COMP: variants seen among roughly 807,000 people sequenced by gnomAD.
COMP encodes cartilage oligomeric matrix protein (pseudoachondroplasia, epiphyseal dysplasia 1, multiple).
Under a neutral mutation model 95.8 loss-of-function variants are expected in COMP, and 79 were observed. The observed-to-expected ratio is 0.82, with a 90% CI of 0.69 to 0.99. The LOEUF is 0.99. Among genes scored for constraint, COMP ranks in the 50% least tolerant of loss-of-function variants. The pLI is 0.00. For synonymous variants in COMP, 438 were observed against 433.9 expected (o/e 1.01, Z -0.12); for missense variants, 906 against 1,076.1 (o/e 0.84, Z 2.21).
Position 18,788,390 on chromosome 19 carries a change from C to T in COMP, c.867+20G>A, listed in dbSNP as rs769013752. 1 of 1,589,450 alleles carries T rather than the reference C, an allele frequency of 6.3e-7. No homozygotes were observed. The highest frequency in any genetic ancestry group is 8.6e-7 in the Non-Finnish European group (1 of 1,163,358). On this transcript the variant is annotated intron_variant, in intron 8 of 18. Transcript: ENST00000222271. The surrounding 1 kb of genome is among the most constrained non-coding windows in gnomAD (Gnocchi z 4.7). ...CGCCCTCCCTCCTGCCCAAGCCCGC[C>T]CCGCTCCGCCCCCACCCACCTTACG...
rs2145904962 is a variant in COMP at position 18,790,113 on chromosome 19, C to G, written c.219G>C (p.Gly73=). Residue 73 remains glycine (G), a splice_region_variant and synonymous_variant, in exon 4 of 19, where the codon GGG becomes GGC. Transcript: ENST00000222271. Reference sequence around the variant, plus strand: ...GGCCGGTGCGTACTGACTGCTGCATCCCTGCGGGGGGGAGGGGGGAGAAGC... The same window carrying G: ...GGCCGGTGCGTACTGACTGCTGCATGCCTGCGGGGGGGAGGGGGGAGAAGC... ...KNTVMECDAC[G]MQQSVRTGLP... 3.3e-6 allele frequency: 5 copies of G among 1,530,422 alleles called. No homozygotes were observed. Among genetic ancestry groups the G allele is most frequent in the South Asian group, 2.4e-5 (2 of 83,096 alleles). The allele number at this position is 1,530,422 out of a possible 1,614,324, so 94.8% of individuals were successfully genotyped here.
In COMP at chr19:18,783,167, A is replaced by G. The variant is rs759998880; in HGVS notation, c.2114T>C (p.Leu705Pro). ...CAAGACCACGTTGCTGTCGGCCACC[A>G]GCTCAGGGCCCTCATAGAATCGCAC... is the stretch of plus-strand genomic sequence containing the variant. ...IRVRFYEGPE[L>P]VADSNVVLDT... Residue 705 changes from leucine to proline, a missense_variant, in exon 18 of 19, where the codon CTG (leucine) becomes CCG (proline). Transcript: ENST00000222271. 1 of 1,609,326 alleles carries G rather than the reference A, an allele frequency of 6.2e-7. No individual in the cohort carries two copies. The highest frequency in any genetic ancestry group is 1.7e-5 in the Admixed American group (1 of 60,022).
chr19:18,789,819 C>T lies in COMP; in HGVS notation c.390+123G>A. 1.6e-6 allele frequency: 2 copies of T among 1,265,730 alleles called. No individual in the cohort carries two copies. The highest frequency in any genetic ancestry group is 2.2e-6 in the Non-Finnish European group (2 of 901,198). The allele number at this position is 1,265,730 out of a possible 1,614,324, so 78.4% of individuals were successfully genotyped here. A position where few individuals can be genotyped will look rare whatever the true frequency, so the allele number is the denominator to read the frequency against. ...TAAGGAGGTAGTCTGGCCGTGCGCC[C>T]CCGGAGGTGAGAGGCTCTTCGGGGC... is the stretch of plus-strand genomic sequence containing the variant. On this transcript the variant is annotated intron_variant, in intron 4 of 18. Transcript: ENST00000222271. This position sits in a 1 kb window ranked among gnomAD's most constrained non-coding sequence, Gnocchi z 6.1.
chr19:18,785,906 C>T, intron 13 of COMP, 55 bp from the exon 14 acceptor site: 2 of 1,604,644 alleles, frequency 1.2e-6, no homozygotes, highest in Non-Finnish European at 1.7e-6. Flanking sequence ...CCACCGTAGA[C>T]CCCGCGCCAG....
At position 18,786,250 on chromosome 19, in the gene COMP, G is replaced by A; in HGVS notation, c.1296C>T (p.Ser432=). 1.9e-6 allele frequency: 3 copies of A among 1,614,066 alleles called. No homozygotes were observed. Among genetic ancestry groups the A allele is most frequent in the East Asian group, 2.2e-5 (1 of 44,880 alleles). Residue 432 remains serine (S), a synonymous_variant, in exon 12 of 19, where the codon AGC becomes AGT. Coordinates refer to ENST00000222271, the MANE Select transcript of COMP (RefSeq NM_000095.3). Reference sequence around the variant, plus strand: ...GGTGGCCTCCTTACTGGTCTTGATCGCTGTCACAAGCATCTCCCACAAAGT... The same window carrying A: ...GGTGGCCTCCTTACTGGTCTTGATCACTGTCACAAGCATCTCCCACAAAGT... The part of the protein sequence containing the change: ...DHDFVGDACD[S]DQDQDGDGHQ...
chr19:18,788,213 T>C lies in COMP; in HGVS notation c.974A>G (p.Lys325Arg), dbSNP rs1380005612. The change falls in exon 9 of 19, where the codon AAG becomes AGG. Residue 325 changes from lysine to arginine, a missense_variant and splice_region_variant. By Grantham distance (26) the Lys-to-Arg change is conservative. Coordinates refer to ENST00000222271, the MANE Select transcript of COMP (RefSeq NM_000095.3). The surrounding 1 kb of genome is among the most constrained non-coding windows in gnomAD (Gnocchi z 4.7). ...CACCGTGCCGAGCCGTAGATCTACC[T>C]TTTCATTGGGGACCCCGTCCCCGTC... Reference protein sequence around the residue: ...DADGDGVPNEKDNCPLVRNPD... With the variant: ...DADGDGVPNERDNCPLVRNPD... 1 of 1,612,720 alleles carries C rather than the reference T, an allele frequency of 6.2e-7. No individual in the cohort carries two copies. The highest frequency in any genetic ancestry group is 8.5e-7 in the Non-Finnish European group (1 of 1,179,644).
chr19:18,788,687 G>C lies in COMP; in HGVS notation c.667C>G (p.Arg223Gly), dbSNP rs1447413008. 6.5e-7 allele frequency: 1 copy of C among 1,541,404 alleles called. No homozygotes were observed. The highest frequency in any genetic ancestry group is 2.5e-5 in the East Asian group (1 of 40,728). The change falls in exon 7 of 19, where the codon CGG (arginine) becomes GGG (glycine). Residue 223 changes from arginine (R) to glycine (G), a missense_variant. By Grantham distance (125) the Arg-to-Gly change is moderately radical. Coordinates refer to ENST00000222271, the MANE Select transcript of COMP (RefSeq NM_000095.3). This position sits in a 1 kb window ranked among gnomAD's most constrained non-coding sequence, Gnocchi z 4.7. ...TCGGGGCAGAAGCGCTGTGCGCGCC[G>C]CTGGCAGCCGGACGCCTGGTCGCCC... ...FVGDQASGCQ[R>G]RAQRFCPDGS...
In COMP at chr19:18,784,337, C is replaced by A; in HGVS notation, c.1941G>T (p.Gly647=). ...GCCACAGAGCGTTCCGCAGCTGTTC[C>A]CCGGGGCCTGTGGAAGACTTCACAG... is the stretch of plus-strand genomic sequence containing the variant. ...LKAVKSSTGP[G]EQLRNALWHT... The change falls in exon 17 of 19, where the codon GGG becomes GGT. Residue 647 remains glycine, a synonymous_variant. Coordinates refer to ENST00000222271, the MANE Select transcript of COMP (RefSeq NM_000095.3). This position sits in a 1 kb window ranked among gnomAD's most constrained non-coding sequence, Gnocchi z 4.9. 6.2e-7 allele frequency: 1 copy of A among 1,613,998 alleles called. No homozygotes were observed. The highest frequency in any genetic ancestry group is 8.5e-7 in the Non-Finnish European group (1 of 1,180,032).
At position 18,790,096 on chromosome 19, in the gene COMP, C is replaced by A. The variant is rs578030956; in HGVS notation, c.236G>T (p.Arg79Leu). 15 of 1,537,566 alleles carry A rather than the reference C, an allele frequency of 9.8e-6. 1 individual carries two copies. In the African/African-American group the frequency reaches 1.1e-4, roughly 11 times the overall value. The change falls in exon 4 of 19, where the codon CGC (arginine) becomes CTC (leucine). Residue 79 changes from arginine (R) to leucine (L), a missense_variant. By Grantham distance (102) the Arg-to-Leu change is moderately radical. Transcript: ENST00000222271. ...CDACGMQQSV[R>L]TGLPSVRPLL... ...GGGCCGCACGCTGGGTAGGCCGGTG[C>A]GTACTGACTGCTGCATCCCTGCGGG...
At position 18,788,286 on chromosome 19, in the gene COMP, C is replaced by G. The variant is rs377504596; in HGVS notation, c.901G>C (p.Glu301Gln). 16 of 1,613,070 alleles carry G rather than the reference C, an allele frequency of 9.9e-6. No homozygotes were observed. Among genetic ancestry groups the G allele is most frequent in the Non-Finnish European group, 1.3e-5 (15 of 1,180,002 alleles). ...NCVTVPNSGQ[E>Q]DVDRDGIGDA... ...CCGATGCCATCGCGGTCCACATCCTCCTGCCCTGAGTTGGGCACAGTCACG... is the reference window on the plus strand; with the variant it reads ...CCGATGCCATCGCGGTCCACATCCTGCTGCCCTGAGTTGGGCACAGTCACG... Residue 301 changes from glutamate (E) to glutamine (Q), a missense_variant, in exon 9 of 19, where the codon GAG becomes CAG. Transcript: ENST00000222271. This position sits in a 1 kb window ranked among gnomAD's most constrained non-coding sequence, Gnocchi z 4.7.
chr19:18,787,864 C>CTT (rs56093208), intron 9 of COMP, among the ~76,000 whole-genome samples: 30 of 108,890 alleles, frequency 2.8e-4, no homozygotes, highest in Middle Eastern at 4.5e-3. Context: ...TTTTCTTTTT[C>CTT]TCTTTCTTTC....
rs994431579 is a variant in COMP, at chr19:18,785,483, C to T, written c.1717+15G>A. 6.2e-7 allele frequency: 1 copy of T among 1,613,132 alleles called. No individual in the cohort carries two copies. Among genetic ancestry groups the T allele is most frequent in the South Asian group, 1.1e-5 (1 of 91,046 alleles). On this transcript the variant is annotated intron_variant, in intron 15 of 18. Transcript: ENST00000222271. ...CCCGCTCCGTGGCAGGATAGCGCTGCTCCCCGCTTCTCACCCACAGCCAGG... is the reference window on the plus strand; with the variant it reads ...CCCGCTCCGTGGCAGGATAGCGCTGTTCCCCGCTTCTCACCCACAGCCAGG...
At position 18,788,104 on chromosome 19, in the gene COMP, A is replaced by C. The variant is rs1213709370; in HGVS notation, c.975+108T>G. The C allele has an allele frequency of 1.3e-5, 12 of 911,436 alleles. No homozygotes were observed. The highest frequency in any genetic ancestry group is 2.2e-4 in the Middle Eastern group (1 of 4,500). 56.5% of individuals were successfully genotyped at this position (911,436 alleles called of 1,614,324 possible). A position where few individuals can be genotyped will look rare whatever the true frequency, so the allele number is the denominator to read the frequency against. On this transcript the variant is annotated intron_variant, in intron 9 of 18. Coordinates refer to ENST00000222271, the MANE Select transcript of COMP (RefSeq NM_000095.3). This position sits in a 1 kb window ranked among gnomAD's most constrained non-coding sequence, Gnocchi z 4.7. ...TTTTTAGTAGAGGAGGGGTTTCACC[A>C]TGATGGCCAGGATGGTCTCCATCTC...
rs2055196854 is a variant in COMP, at chr19:18,789,670, G to A, written c.390+272C>T. Among the ~76,000 whole-genome samples, 1 of 151,838 alleles carries A rather than the reference G, an allele frequency of 6.6e-6. No individual in the cohort carries two copies. The highest frequency in any genetic ancestry group is 1.5e-5 in the Non-Finnish European group (1 of 67,922). ...CCCCTGCGGCGAGGAGGGTAGCTGGGGCGGACCACCCCTGGCGGTGAGGGA... is the reference window on the plus strand; with the variant it reads ...CCCCTGCGGCGAGGAGGGTAGCTGGAGCGGACCACCCCTGGCGGTGAGGGA... On this transcript the variant is annotated intron_variant, in intron 4 of 18. Transcript: ENST00000222271. The surrounding 1 kb of genome is among the most constrained non-coding windows in gnomAD (Gnocchi z 6.1).
Position 18,782,890 on chromosome 19 carries a change from A to T in COMP, c.*25T>A. Reference sequence around the variant, plus strand: ...TCCAGCCGCGGTGAGGGTGGCTGTCATCCGGCGGGTCCTCACCCTGGTCCC... The same window carrying T: ...TCCAGCCGCGGTGAGGGTGGCTGTCTTCCGGCGGGTCCTCACCCTGGTCCC... On this transcript the variant is annotated 3_prime_UTR_variant, in exon 19 of 19. Coordinates refer to ENST00000222271, the MANE Select transcript of COMP (RefSeq NM_000095.3). 1.2e-6 allele frequency: 2 copies of T among 1,609,464 alleles called. No homozygotes were observed. The highest frequency in any genetic ancestry group is 1.7e-6 in the Non-Finnish European group (2 of 1,179,828).
chr19:18,787,631 C>A lies in COMP; in HGVS notation c.995G>T (p.Arg332Leu). ...GTCCGTGTTGCGCTGGTCTGGGTTC[C>A]GCACCAGCGGGCAGTTGTCCTGGAT... Reference protein sequence around the residue: ...PNEKDNCPLVRNPDQRNTDED... With the variant: ...PNEKDNCPLVLNPDQRNTDED... Residue 332 changes from arginine to leucine, a missense_variant, in exon 10 of 19, where the codon CGG becomes CTG. By Grantham distance (102) the Arg-to-Leu change is moderately radical (BLOSUM62 -2). Coordinates refer to ENST00000222271, the MANE Select transcript of COMP (RefSeq NM_000095.3). 1.9e-6 allele frequency: 3 copies of A among 1,613,936 alleles called. No homozygotes were observed. The highest frequency in any genetic ancestry group is 2.5e-6 in the Non-Finnish European group (3 of 1,180,036).
In COMP at chr19:18,784,658, T is replaced by G. The variant is rs2055152213; in HGVS notation, c.1914+238A>C. ...TGGAAACTAAGGAAAAGTTTAGGGC[T>G]GTGTGAGAGGGTTTAGGGTCCATAG... On this transcript the variant is annotated intron_variant, in intron 16 of 18. Transcript: ENST00000222271. This position sits in a 1 kb window ranked among gnomAD's most constrained non-coding sequence, Gnocchi z 4.9. Among the ~76,000 whole-genome samples the G allele has an allele frequency of 6.6e-6, 1 of 151,874 alleles. No individual in the cohort carries two copies. The highest frequency in any genetic ancestry group is 2.1e-4 in the South Asian group (1 of 4,816).
At position 18,788,743 on chromosome 19, in the gene COMP, A is replaced by T; in HGVS notation, c.611T>A (p.Phe204Tyr). Residue 204 changes from phenylalanine (F) to tyrosine (Y), a missense_variant, in exon 7 of 19, where the codon TTC becomes TAC. Physicochemically the swap from Phe to Tyr is conservative, Grantham distance 22 (BLOSUM62 3). Transcript: ENST00000222271. The surrounding 1 kb of genome is among the most constrained non-coding windows in gnomAD (Gnocchi z 4.7). ...GCCGGGCTGGCACGGGCCGCACTGG[A>T]AGGAGCCCTGCGCCGGAGCCGCCGG... The part of the protein sequence containing the change: ...NSVCINTRGS[F>Y]QCGPCQPGFV... 1 of 1,565,054 alleles carries T rather than the reference A, an allele frequency of 6.4e-7. No homozygotes were observed. The highest frequency in any genetic ancestry group is 8.7e-7 in the Non-Finnish European group (1 of 1,155,130).
In COMP at chr19:18,788,975, T is replaced by C; in HGVS notation, c.529-62A>G. 6.3e-7 allele frequency: 1 copy of C among 1,581,190 alleles called. No homozygotes were observed. The highest frequency in any genetic ancestry group is 2.0e-4 in the Middle Eastern group (1 of 5,098). ...AGACACCTCCGGACCTCCCACCTCC[T>C]CCACACTTCCTCCGCATCCTGCCTC... On this transcript the variant is annotated intron_variant, in intron 5 of 18. Coordinates refer to ENST00000222271, the MANE Select transcript of COMP (RefSeq NM_000095.3). This position sits in a 1 kb window ranked among gnomAD's most constrained non-coding sequence, Gnocchi z 4.7.
Sources: allele counts gnomAD v4.1 joint callset (sites outside exome capture counted in the v4.1 genomes callset), GRCh38; gene constraint gnomAD v4.1.1; non-coding constraint Gnocchi (gnomAD v3.1); transcripts MANE v1.5; gene names NCBI Gene and HGNC (gene_info 2026-07-23, HGNC 2026-07-21).